The following TTC7A variants were observed in gnomAD, a reference collection of about 807,000 sequenced individuals.
TTC7A encodes the protein tetratricopeptide repeat domain 7A.
In TTC7A, 110 loss-of-function variants were observed where a neutral mutation model predicts 103.7. That is an observed-to-expected ratio of 1.06 (90% CI 0.91 to 1.24). The LOEUF is 1.24. Ranked by LOEUF, TTC7A falls within the 50% of genes most tolerant of loss-of-function variation. TTC7A has a pLI of 0.00. For synonymous variants in TTC7A, 521 were observed against 467.9 expected (o/e 1.11, Z -1.47); for missense variants, 1,340 against 1,116.3 (o/e 1.20, Z -2.86).
chr2:46,934,020 A>G (rs1669842938), intron 2 of TTC7A, among the ~76,000 whole-genome samples: 1 of 152,192 alleles, frequency 6.6e-6, no homozygotes, highest in Non-Finnish European at 1.5e-5. Context: ...AACTACTCAC[A>G]GCCATTGTGA....
At chr2:47,010,359 A>G (rs950335158) in intron 10 of TTC7A, among the ~76,000 whole-genome samples, 1 of 152,238 alleles carries the variant, frequency 6.6e-6, no homozygotes, top group African/African-American at 2.4e-5. Flanking sequence ...GCAGAGGGCC[A>G]GATTTGGCCT....
chr2:46,935,868 T>C (rs559996478), intron 2 of TTC7A, among the ~76,000 whole-genome samples: 2 of 152,152 alleles, frequency 1.3e-5, no homozygotes, highest in East Asian at 1.9e-4. Flanking sequence ...GGTGGGAGGA[T>C]TGCTAGTGGC....
At chr2:47,022,492 G>T (rs904755965) in intron 12 of TTC7A, among the ~76,000 whole-genome samples, 2 of 152,124 alleles carry the variant, frequency 1.3e-5, no homozygotes, top group African/African-American at 4.8e-5. Flanking sequence ...GCTCCTTCCT[G>T]CCCCACACCT....
chr2:47,027,756 A>G (rs1680073039), intron 14 of TTC7A, among the ~76,000 whole-genome samples: 1 of 152,204 alleles, frequency 6.6e-6, no homozygotes, highest in Non-Finnish European at 1.5e-5. Flanking sequence ...TGCAAGGGCC[A>G]GGGACTCTGG....
chr2:47,031,973 T>C (rs529800127), intron 15 of TTC7A, among the ~76,000 whole-genome samples: 98 of 152,316 alleles, frequency 6.4e-4, no homozygotes, highest in African/African-American at 2.1e-3. Flanking sequence ...TCCCAGGCTC[T>C]TGGACTGGGC....
Position 47,011,373 on chromosome 2 carries a change from C to G in TTC7A, c.1330C>G (p.Arg444Gly). 6.2e-7 allele frequency: 1 copy of G among 1,612,660 alleles called. No individual in the cohort carries two copies. The highest frequency in any genetic ancestry group is 8.5e-7 in the Non-Finnish European group (1 of 1,179,912). ...VSLLRECVKL[R>G]PSDPTVPLMA... is the part of the protein sequence containing the mutation. ...CCTGCTGCGGGAGTGTGTGAAGTTG[C>G]GGCCCTCGGACCCCACCGTGCCCCT... The change falls in exon 11 of 20, where the codon CGG (arginine) becomes GGG (glycine). Residue 444 changes from arginine (R) to glycine (G), a missense_variant. Physicochemically the swap from Arg to Gly is moderately radical, Grantham distance 125. Transcript: ENST00000319190.
intron 14 of TTC7A, among the ~76,000 whole-genome samples, chr2:47,024,965 T>C (rs1048440694): frequency 6.6e-6 from 1 of 152,330 alleles, no homozygotes; most frequent in Non-Finnish European, 1.5e-5. Context: ...TTTACTTTCC[T>C]GTGGCGCCTC....
chr2:46,971,862 G>T (rs1673385309), intron 3 of TTC7A, among the ~76,000 whole-genome samples: 1 of 151,898 alleles, frequency 6.6e-6, no homozygotes, highest in South Asian at 2.1e-4. Context: ...TCTTCCCGTT[G>T]GGAACCAATA....
In TTC7A at chr2:47,074,234, G is replaced by A. The variant is rs1051714540; in HGVS notation, c.*311G>A. 4.7e-6 allele frequency: 2 copies of A among 421,750 alleles called. No individual in the cohort carries two copies. The highest frequency in any genetic ancestry group is 4.0e-5 in the African/African-American group (2 of 49,654). 26.1% of individuals were successfully genotyped at this position (421,750 alleles called of 1,614,324 possible). On this transcript the variant is annotated 3_prime_UTR_variant, in exon 20 of 20. Transcript: ENST00000319190. ...ACAGCTGTCCTTCACCCTCACCCAT[G>A]CCTCTGGCTTGGAGTCTGGGTGGGG...
intron 11 of TTC7A, among the ~76,000 whole-genome samples, chr2:47,016,663 G>A (rs933451929): frequency 1.3e-5 from 2 of 152,224 alleles, no homozygotes; most frequent in African/African-American, 4.8e-5. Flanking sequence ...AGGAAAGCCC[G>A]GTGCTGTAAC....
chr2:47,043,755 G>T (rs1682015441), intron 15 of TTC7A, among the ~76,000 whole-genome samples: 2 of 152,128 alleles, frequency 1.3e-5, no homozygotes, highest in Admixed American at 6.5e-5. Flanking sequence ...GCCCAGAAAG[G>T]ATGTGGTCGG....
intron 6 of TTC7A, among the ~76,000 whole-genome samples, 188 bp downstream of exon 6, chr2:46,993,716 G>A (rs539592926): frequency 1.1e-4 from 17 of 152,208 alleles, no homozygotes; most frequent in South Asian, 2.1e-4. Context: ...CTTTCCCCCC[G>A]CGGCATTGCA....
At chr2:46,924,693 C>A (rs1669292892) in intron 2 of TTC7A, among the ~76,000 whole-genome samples, 1 of 152,056 alleles carries the variant, frequency 6.6e-6, no homozygotes, top group Admixed American at 6.6e-5. Context: ...GTGGTGCGAT[C>A]TCAGCACACT....
At chr2:47,061,377 C>G (rs1683768971) in intron 19 of TTC7A, among the ~76,000 whole-genome samples, 2 of 152,196 alleles carry the variant, frequency 1.3e-5, no homozygotes, top group African/African-American at 4.8e-5. Context: ...CTGGGAGTCC[C>G]CAGACCCTCC....
At chr2:46,958,654 T>TCTGCCTGTCCTCCTCC in intron 3 of TTC7A, 1 of 781,496 alleles carries the variant, frequency 1.3e-6, no homozygotes, top group Non-Finnish European at 1.8e-6. Flanking sequence ...CTGCCTCCTC[T>TCTGCCTGTCCTCCTCC]CTGCCTGTCC....
chr2:46,950,661 C>A, intron 2 of TTC7A, 135 bp downstream of exon 2: 1 of 903,970 alleles, frequency 1.1e-6, no homozygotes, highest in Non-Finnish European at 1.6e-6. Context: ...CTTACAGTAG[C>A]CACTGGCTGC....
intron 15 of TTC7A, among the ~76,000 whole-genome samples, chr2:47,044,775 C>T (rs937761099): frequency 6.6e-6 from 1 of 152,212 alleles, no homozygotes; most frequent in African/African-American, 2.4e-5. Context: ...TCTGAAAATC[C>T]TGGGGCAAAT....
At chr2:46,972,567 C>T (rs1317446174) in intron 3 of TTC7A, among the ~76,000 whole-genome samples, 2 of 152,182 alleles carry the variant, frequency 1.3e-5, no homozygotes, top group Admixed American at 6.5e-5. Context: ...TTTATTGGCC[C>T]AGATTAGGCC....
At chr2:47,044,814 C>T (rs1047678319) in intron 15 of TTC7A, among the ~76,000 whole-genome samples, 1 of 152,172 alleles carries the variant, frequency 6.6e-6, no homozygotes, top group Non-Finnish European at 1.5e-5. Context: ...TACCAAGTTG[C>T]AATCTAAGAG....
Sources: allele counts gnomAD v4.1 joint callset (sites outside exome capture counted in the v4.1 genomes callset), GRCh38; gene constraint gnomAD v4.1.1; transcripts MANE v1.5; gene names NCBI Gene and HGNC (gene_info 2026-07-23, HGNC 2026-07-21).